Variants in SEPTIN9 observed in about 807,000 individuals in gnomAD.
SEPTIN9 encodes the protein septin 9.
In SEPTIN9, 13 loss-of-function variants were observed where a neutral mutation model predicts 56.6. That is an observed-to-expected ratio of 0.23 (90% CI 0.15 to 0.37). The LOEUF is 0.37. Among genes scored for constraint, SEPTIN9 ranks in the 10% least tolerant of loss-of-function variants. The pLI is 1.00. For missense variants in SEPTIN9, 650 were observed against 823.1 expected, an observed-to-expected ratio of 0.79 and a Z score of 2.57; for synonymous variants, 332 against 334.1, an observed-to-expected ratio of 0.99 and a Z score of 0.07.
At chr17:77,373,254 G>A in intron 2 of SEPTIN9, 1 of 1,139,862 alleles carries the variant, frequency 8.8e-7, no homozygotes, top group Non-Finnish European at 1.1e-6. Flanking sequence ...CGGTGCGGGT[G>A]CGGGAACCTG....
chr17:77,422,773 G>C (rs540939348), intron 3 of SEPTIN9, among the ~76,000 whole-genome samples: 1 of 152,310 alleles, frequency 6.6e-6, no homozygotes, highest in African/African-American at 2.4e-5. Flanking sequence ...ACTCAGGATA[G>C]CTCTGAATTC....
At chr17:77,345,926 TTTTTGTTG>T (rs2033876506) in intron 2 of SEPTIN9, among the ~76,000 whole-genome samples, 1 of 118,298 alleles carries the variant, frequency 8.5e-6, no homozygotes, top group Non-Finnish European at 1.7e-5. Context: ...TTCTTTGTTT[TTTTTGTTG>T]TTTTGTTTTG....
intron 3 of SEPTIN9, among the ~76,000 whole-genome samples, chr17:77,466,889 C>T (rs892353331): frequency 3.3e-5 from 5 of 152,098 alleles, no homozygotes; most frequent in African/African-American, 4.8e-5. Context: ...ACCGGTCAGC[C>T]CTGGGGTCAG....
chr17:77,498,903 T>A lies in SEPTIN9; in HGVS notation c.*245T>A. 1.7e-6 allele frequency: 1 copy of A among 577,392 alleles called. No homozygotes were observed. The highest frequency in any genetic ancestry group is 3.3e-6 in the Non-Finnish European group (1 of 304,070). The allele number at this position is 577,392 out of a possible 1,614,324, so 35.8% of individuals were successfully genotyped here. A position where few individuals can be genotyped will look rare whatever the true frequency, so the allele number is the denominator to read the frequency against. On this transcript the variant is annotated 3_prime_UTR_variant, in exon 12 of 12. Coordinates refer to ENST00000427177, the MANE Select transcript of SEPTIN9 (RefSeq NM_001113491.2). ...CACAGGCAGGGGTGAGAGCACCCACTGAATTGACATGACCCTCTGTCCCCA... is the reference window on the plus strand; with the variant it reads ...CACAGGCAGGGGTGAGAGCACCCACAGAATTGACATGACCCTCTGTCCCCA...
Position 77,482,240 on chromosome 17 carries a change from C to A in SEPTIN9, c.818C>A (p.Pro273Gln), listed in dbSNP as rs767006368. The change falls in exon 4 of 12, where the codon CCG (proline) becomes CAG (glutamine). Residue 273 changes from proline to glutamine, a missense_variant. Physicochemically the swap from Pro to Gln is moderately conservative, Grantham distance 76. Transcript: ENST00000427177. ...CCTGCATCACGGAACGAGAAGGCCC[C>A]GGTGGACTTCGGCTACGTGGGGATT... ...QAPASRNEKA[P>Q]VDFGYVGIDS... The A allele has an allele frequency of 6.2e-7, 1 of 1,613,014 alleles. No homozygotes were observed. Among genetic ancestry groups the A allele is most frequent in the South Asian group, 1.1e-5 (1 of 91,074 alleles).
At chr17:77,295,871 A>T (rs538639000) in intron 1 of SEPTIN9, among the ~76,000 whole-genome samples, 1 of 150,054 alleles carries the variant, frequency 6.7e-6, no homozygotes, top group Non-Finnish European at 1.5e-5. Context: ...TCTTCTGGGG[A>T]GTTTGGTCAT....
rs200363929 is a variant in SEPTIN9 at position 77,487,551 on chromosome 17, C to T, written c.1041C>T (p.His347=). The T allele has an allele frequency of 9.6e-4, 1,542 of 1,613,208 alleles. 22 individuals carry two copies. The South Asian group carries it at 0.015, about 15-fold the overall frequency. The change falls in exon 5 of 12, where the codon CAC becomes CAT. Residue 347 remains histidine (H), a splice_region_variant and synonymous_variant. Transcript: ENST00000427177. The surrounding 1 kb of genome is among the most constrained non-coding windows in gnomAD (Gnocchi z 4.3). The part of the protein sequence containing the change: ...PKTIEIKSIT[H]DIEEKGVRMK... ...CCATCGAGATCAAGTCCATCACGCA[C>T]GGTCAGTGGCCGGGAGTGGGCTGGG...
rs3047410 is a variant in SEPTIN9 at position 77,413,087 on chromosome 17, CGTGTGTGT to C, written c.721+10412_721+10419del. ...CGAGCTTGGTCTGGAGCGGGTGGGG[CGTGTGTGT>C]GTGTGTGTGTGTGTGTGTGTGTGTG... On this transcript the variant is annotated intron_variant, in intron 3 of 11. Transcript: ENST00000427177. 7.4e-3 allele frequency among the ~76,000 whole-genome samples: 1,060 copies of C among 144,014 alleles called. 11 individuals carry two copies. Among genetic ancestry groups the C allele is most frequent in the African/African-American group, 0.025 (1,002 of 39,622 alleles). The allele number at this position is 144,014 out of a possible 152,430, so 94.5% of individuals were successfully genotyped here.
intron 2 of SEPTIN9, among the ~76,000 whole-genome samples, chr17:77,386,341 C>G (rs1451072769): frequency 6.6e-6 from 1 of 152,154 alleles, no homozygotes; most frequent in Non-Finnish European, 1.5e-5. Context: ...TGCCCAATGT[C>G]CCCTGTAGCC....
At chr17:77,296,544 GCAGACAGA>G (rs760686685) in intron 1 of SEPTIN9, among the ~76,000 whole-genome samples, 3 of 152,214 alleles carry the variant, frequency 2.0e-5, no homozygotes, top group Middle Eastern at 3.4e-3. Context: ...ACACAGACAG[GCAGACAGA>G]CAGACAGACA....
At position 77,402,280 on chromosome 17, in the gene SEPTIN9, G is replaced by A. The variant is rs2035926176; in HGVS notation, c.298G>A (p.Ala100Thr). 1 of 1,611,840 alleles carries A rather than the reference G, an allele frequency of 6.2e-7. No individual in the cohort carries two copies. Among genetic ancestry groups the A allele is most frequent in the Admixed American group, 1.7e-5 (1 of 59,964 alleles). The change falls in exon 3 of 12, where the codon GCG becomes ACG. Residue 100 changes from alanine to threonine, a missense_variant. Ala to Thr is a moderately conservative substitution (Grantham distance 58). Coordinates refer to ENST00000427177, the MANE Select transcript of SEPTIN9 (RefSeq NM_001113491.2). This position sits in a 1 kb window ranked among gnomAD's most constrained non-coding sequence, Gnocchi z 6.6. ...GAGGGTGGAGCTCTCGGGCCCCAAGGCGGCCGAGCCGGTGTCCCGGCGCAC... is the reference window on the plus strand; with the variant it reads ...GAGGGTGGAGCTCTCGGGCCCCAAGACGGCCGAGCCGGTGTCCCGGCGCAC... ...LRRVELSGPKAAEPVSRRTEL... is the reference protein window; with the variant it reads ...LRRVELSGPKTAEPVSRRTEL...
chr17:77,301,065 A>C (rs1459910940), intron 1 of SEPTIN9, among the ~76,000 whole-genome samples: 5 of 82,858 alleles, frequency 6.0e-5, no homozygotes, highest in Admixed American at 1.5e-4. Context: ...CTCCCACCCC[A>C]GGCTCAAACC....
Position 77,436,123 on chromosome 17 carries a change from G to A in SEPTIN9, c.721+33420G>A, listed in dbSNP as rs898832507. 3.3e-5 allele frequency among the ~76,000 whole-genome samples: 5 copies of A among 152,174 alleles called. No homozygotes were observed. Among genetic ancestry groups the A allele is most frequent in the Admixed American group, 6.5e-5 (1 of 15,280 alleles). ...CTCGGCGGCTGCCTTTCCACCCTGC[G>A]GGCCTGGTTGGGGAGTGTGAGGATG... On this transcript the variant is annotated intron_variant, in intron 3 of 11. Transcript: ENST00000427177. This position sits in a 1 kb window ranked among gnomAD's most constrained non-coding sequence, Gnocchi z 4.4.
intron 3 of SEPTIN9, among the ~76,000 whole-genome samples, chr17:77,468,151 G>T (rs2038831024): frequency 6.6e-6 from 1 of 152,186 alleles, no homozygotes; most frequent in Non-Finnish European, 1.5e-5. Flanking sequence ...TGTAATCCCA[G>T]CTACTCAGGA....
chr17:77,333,146 T>G (rs931798369), intron 2 of SEPTIN9, among the ~76,000 whole-genome samples: 2 of 152,240 alleles, frequency 1.3e-5, no homozygotes, highest in African/African-American at 4.8e-5. Context: ...CTGTGAAATC[T>G]TAGTCATTCT....
In SEPTIN9 at chr17:77,499,722, C is replaced by G. The variant is rs2040427786; in HGVS notation, c.*1064C>G. The G allele has an allele frequency of 5.8e-6, 2 of 344,466 alleles. No homozygotes were observed. The highest frequency in any genetic ancestry group is 1.1e-5 in the Non-Finnish European group (2 of 184,414). The allele number at this position is 344,466 out of a possible 1,614,324, so 21.3% of individuals were successfully genotyped here. ...TTGGCCCAAGACTGGGCTGTAGTTA[C>G]ATTAATGCCCAGCCAGCCACCCCTG... On this transcript the variant is annotated 3_prime_UTR_variant, in exon 12 of 12. Coordinates refer to ENST00000427177, the MANE Select transcript of SEPTIN9 (RefSeq NM_001113491.2).
At chr17:77,381,862 G>A (rs2035156368) in intron 2 of SEPTIN9, among the ~76,000 whole-genome samples, 1 of 152,164 alleles carries the variant, frequency 6.6e-6, no homozygotes, top group South Asian at 2.1e-4. Context: ...CCAAGGGCCA[G>A]CTCTGTTCTA....
chr17:77,339,028 G>A (rs924392357), intron 2 of SEPTIN9, among the ~76,000 whole-genome samples: 1 of 152,180 alleles, frequency 6.6e-6, no homozygotes, highest in Middle Eastern at 3.2e-3. Context: ...TGGGATTGCA[G>A]CAATCCAGTC....
chr17:77,478,012 T>TG (rs913588719), intron 3 of SEPTIN9, among the ~76,000 whole-genome samples: 55 of 151,430 alleles, frequency 3.6e-4, no homozygotes, highest in South Asian at 8.4e-4. Context: ...CCACGGTCTT[T>TG]GGGGGGGGTC....
Sources: allele counts gnomAD v4.1 joint callset (sites outside exome capture counted in the v4.1 genomes callset), GRCh38; gene constraint gnomAD v4.1.1; non-coding constraint Gnocchi (gnomAD v3.1); transcripts MANE v1.5; gene names NCBI Gene and HGNC (gene_info 2026-07-23, HGNC 2026-07-21).